Variants in HDX observed in about 807,000 individuals in gnomAD.
HDX encodes chromosome X open reading frame 43.
Under a neutral mutation model 45.2 loss-of-function variants are expected in HDX, and 19 were observed. The observed-to-expected ratio is 0.42, with a 90% CI of 0.29 to 0.62. The LOEUF (loss-of-function observed/expected upper bound fraction) is 0.62. Ranked by LOEUF, HDX falls within the 20% of genes least tolerant of loss-of-function variation. The pLI, the probability that HDX is intolerant of heterozygous loss-of-function variation, is 0.20. For missense variants in HDX, 532 were observed against 493.9 expected (o/e 1.08, Z -0.73); for synonymous variants, 188 against 172.8 (o/e 1.09, Z -0.69).
At chrX:84,480,068 G>A in intron 2 of HDX, among the ~76,000 whole-genome samples, 1 of 111,464 alleles carries the variant, frequency 9.0e-6, no homozygotes, top group Non-Finnish European at 1.9e-5. Context: ...AACAGATCCA[G>A]CATATACTCT....
intron 2 of HDX, among the ~76,000 whole-genome samples, chrX:84,481,265 T>C (rs2040674094): frequency 8.9e-6 from 1 of 111,829 alleles, no homozygotes. Flanking sequence ...AAGATCACTG[T>C]TATTGAAGAA....
chrX:84,414,605 G>A (rs999578651), intron 5 of HDX, among the ~76,000 whole-genome samples: 42 of 111,736 alleles, frequency 3.8e-4, no homozygotes, highest in African/African-American at 1.3e-3. Flanking sequence ...CTAAATAAGG[G>A]CTGTAGACTT....
chrX:84,351,841 A>C (rs149768255), intron 6 of HDX, among the ~76,000 whole-genome samples: 2,439 of 111,672 alleles, frequency 0.022, 39 homozygotes, highest in Admixed American at 0.066. Flanking sequence ...AATAGGGAAA[A>C]TTATGTCCAC....
At chrX:84,325,050 G>C (rs962411887) in intron 10 of HDX, among the ~76,000 whole-genome samples, 3 of 111,133 alleles carry the variant, frequency 2.7e-5, no homozygotes, top group African/African-American at 9.8e-5. Context: ...CTACTGTCTT[G>C]AGATGTCTGT....
At position 84,319,050 on chromosome X, in the gene HDX, T is replaced by A. The variant is rs1454404759; in HGVS notation, c.*2839A>T. 9.0e-6 allele frequency: 1 copy of A among 111,328 alleles called. No individual in the cohort carries two copies. The highest frequency in any genetic ancestry group is 3.2e-5 in the African/African-American group (1 of 30,812). 9.2% of individuals were successfully genotyped at this position (111,328 alleles called of 1,213,427 possible). A position where few individuals can be genotyped will look rare whatever the true frequency, so the allele number is the denominator to read the frequency against. The stretch of plus-strand genomic sequence containing the variant: ...ATTTTGGAAGGTAAGTGCTCTTACA[T>A]ACACATTTCTGGCTTAAAAACTGCT... On this transcript the variant is annotated 3_prime_UTR_variant, in exon 11 of 11. Transcript: ENST00000373177.
chrX:84,352,005 C>T (rs2037372220), intron 6 of HDX, among the ~76,000 whole-genome samples: 2 of 111,888 alleles, frequency 1.8e-5, no homozygotes, highest in South Asian at 3.7e-4. Context: ...GTGTAGAAAA[C>T]CACTAAATAA....
chrX:84,452,868 T>C (rs2040031713), intron 4 of HDX, among the ~76,000 whole-genome samples: 1 of 111,478 alleles, frequency 9.0e-6, no homozygotes, highest in Non-Finnish European at 1.9e-5. Context: ...ATAAAACTAC[T>C]GGAAGGAAAC....
In HDX at chrX:84,388,761, C is replaced by T. The variant is rs755776903; in HGVS notation, c.1306-27149G>A. Among the ~76,000 whole-genome samples the T allele has an allele frequency of 2.2e-3, 250 of 112,177 alleles. 2 individuals are homozygous for T. The highest frequency in any genetic ancestry group is 7.8e-3 in the African/African-American group (241 of 30,879). On this transcript the variant is annotated intron_variant, in intron 5 of 10. Coordinates refer to ENST00000373177, the MANE Select transcript of HDX (RefSeq NM_001177479.2). ...TTCAACTTTCTCCTGAATCTCAGTA[C>T]ACTTCCTTGCCATCAAGATGCTGAA...
intron 8 of HDX, among the ~76,000 whole-genome samples, chrX:84,335,339 T>A (rs781614271): frequency 9.0e-5 from 10 of 111,182 alleles, no homozygotes; most frequent in Non-Finnish European, 1.5e-4. Context: ...TATGTCTGTT[T>A]GATTTGTTAT....
intron 5 of HDX, among the ~76,000 whole-genome samples, chrX:84,429,205 G>C (rs66686107): frequency 0.071 from 7,788 of 109,778 alleles, 421 homozygotes; most frequent in East Asian, 0.42. Context: ...AAATCAGTTT[G>C]TAATTTCCTA....
intron 9 of HDX, among the ~76,000 whole-genome samples, chrX:84,329,871 A>G (rs2036809497): frequency 9.0e-6 from 1 of 111,383 alleles, no homozygotes; most frequent in Non-Finnish European, 1.9e-5. Context: ...GATTGCGCAC[A>G]TTAAGTGAGA....
At chrX:84,431,146 C>T (rs761721333) in intron 5 of HDX, among the ~76,000 whole-genome samples, 1 of 110,257 alleles carries the variant, frequency 9.1e-6, no homozygotes, top group Non-Finnish European at 1.9e-5. Context: ...TGTGTTAGTT[C>T]GCTTAGGGTA....
chrX:84,389,077 G>A (rs750156226), intron 5 of HDX, among the ~76,000 whole-genome samples: 4 of 111,979 alleles, frequency 3.6e-5, no homozygotes, highest in Non-Finnish European at 7.5e-5. Flanking sequence ...TATATTGGCA[G>A]AATATTTGGC....
At chrX:84,432,224 T>A (rs777422829) in intron 5 of HDX, among the ~76,000 whole-genome samples, 4 of 111,846 alleles carry the variant, frequency 3.6e-5, no homozygotes, top group East Asian at 5.7e-4. Context: ...ACCATGACAG[T>A]TTGCTTATTG....
At chrX:84,391,286 C>A (rs901156789) in intron 5 of HDX, among the ~76,000 whole-genome samples, 2 of 111,604 alleles carry the variant, frequency 1.8e-5, no homozygotes, top group Non-Finnish European at 3.8e-5. Context: ...TGATTTCATT[C>A]TTTTTTATGA....
Position 84,321,889 on chromosome X carries a change from T to C in HDX, c.2073A>G (p.Ter691TrpextTer38). The C allele has an allele frequency of 8.4e-7, 1 of 1,187,641 alleles. No homozygotes were observed. Among genetic ancestry groups the C allele is most frequent in the Non-Finnish European group, 1.1e-6 (1 of 881,753 alleles). Reference sequence around the variant, plus strand: ...TATCATATATTCCCTCCAACTGAAATCACAAACTTTCTGAGACATTTTTCT... The same window carrying C: ...TATCATATATTCCCTCCAACTGAAACCACAAACTTTCTGAGACATTTTTCT... ...LSEKNVSESL[*>W] Residue 691 changes from the stop codon to tryptophan (W), a stop_lost, in exon 11 of 11, where the codon TGA becomes TGG. Coordinates refer to ENST00000373177, the MANE Select transcript of HDX (RefSeq NM_001177479.2).
intron 5 of HDX, among the ~76,000 whole-genome samples, chrX:84,374,188 A>G (rs893392302): frequency 9.0e-6 from 1 of 111,609 alleles, no homozygotes; most frequent in African/African-American, 3.3e-5. Context: ...AATACTTAGG[A>G]ATCAAACTTA....
intron 4 of HDX, among the ~76,000 whole-genome samples, chrX:84,447,231 G>A (rs976880597): frequency 8.9e-6 from 1 of 111,884 alleles, no homozygotes; most frequent in African/African-American, 3.3e-5. Flanking sequence ...GAGACATCTG[G>A]TATTCACCTC....
At chrX:84,501,557 T>C (rs1174854227) in intron 1 of HDX, 1 of 112,628 alleles carries the variant, frequency 8.9e-6, no homozygotes, top group Non-Finnish European at 1.9e-5. Context: ...AGTGTTTATT[T>C]TTCCAAACAG....
Sources: allele counts gnomAD v4.1 joint callset (sites outside exome capture counted in the v4.1 genomes callset), GRCh38; gene constraint gnomAD v4.1.1; transcripts MANE v1.5; gene names NCBI Gene and HGNC (gene_info 2026-07-23, HGNC 2026-07-21).